ATP9B: variants seen among roughly 807,000 people sequenced by gnomAD.
ATP9B encodes the protein probable phospholipid-transporting ATPase IIB.
ATP9B carries 110 observed loss-of-function variants against 146.1 expected under a neutral mutation model. The ratio of observed to expected loss-of-function variants is 0.75; its 90% CI spans 0.65 to 0.88. The LOEUF is 0.88. Among genes scored for constraint, ATP9B ranks in the 40% least tolerant of loss-of-function variants. The pLI is 0.00. For missense variants in ATP9B, 1,499 were observed against 1,496.4 expected, an observed-to-expected ratio of 1.00 and a Z score of -0.03; for synonymous variants, 604 against 569.7, an observed-to-expected ratio of 1.06 and a Z score of -0.86.
chr18:79,152,152 A>G (rs1006833936), intron 6 of ATP9B, among the ~76,000 whole-genome samples: 4 of 152,222 alleles, frequency 2.6e-5, no homozygotes, highest in East Asian at 1.9e-4. Flanking sequence ...TAGAATGGCA[A>G]TCATTAAAAA....
At position 79,239,147 on chromosome 18, in the gene ATP9B, G is replaced by A. The variant is rs1288502128; in HGVS notation, c.1108-14234G>A. Among the ~76,000 whole-genome samples, 1 of 152,104 alleles carries A rather than the reference G, an allele frequency of 6.6e-6. No homozygotes were observed. The highest frequency in any genetic ancestry group is 1.5e-5 in the Non-Finnish European group (1 of 67,986). ...ATGGCGTCTCAGGCAGAGAACAGAT[G>A]TGCCCAGATCCAAGGTGGGATGGTG... is the stretch of plus-strand genomic sequence containing the variant. On this transcript the variant is annotated intron_variant, in intron 11 of 29. Coordinates refer to ENST00000426216, the MANE Select transcript of ATP9B (RefSeq NM_198531.5). The surrounding 1 kb of genome is among the most constrained non-coding windows in gnomAD (Gnocchi z 5.1).
intron 12 of ATP9B, among the ~76,000 whole-genome samples, chr18:79,264,608 T>G (rs1310439346): frequency 6.6e-6 from 1 of 152,102 alleles, no homozygotes; most frequent in African/African-American, 2.4e-5. Flanking sequence ...GAGATGAAAC[T>G]CTCCTCTTAC....
intron 6 of ATP9B, among the ~76,000 whole-genome samples, chr18:79,147,816 AAG>A (rs946456257): frequency 3.9e-5 from 6 of 152,074 alleles, no homozygotes; most frequent in African/African-American, 1.2e-4. Flanking sequence ...GGGAATAATA[AAG>A]ATACAAGTAG....
In ATP9B at chr18:79,238,042, C is replaced by T. The variant is rs559053801; in HGVS notation, c.1108-15339C>T. ...ATTATCTTTTAGAAAATTTTATATTCTGTTTGCTGCTATTTAAAAATAAAA... is the reference window on the plus strand; with the variant it reads ...ATTATCTTTTAGAAAATTTTATATTTTGTTTGCTGCTATTTAAAAATAAAA... On this transcript the variant is annotated intron_variant, in intron 11 of 29. Coordinates refer to ENST00000426216, the MANE Select transcript of ATP9B (RefSeq NM_198531.5). Among the ~76,000 whole-genome samples the T allele has an allele frequency of 2.0e-5, 3 of 152,034 alleles. No homozygotes were observed. The East Asian group carries it at 5.8e-4, about 29-fold the overall frequency.
At chr18:79,266,246 C>T (rs1218366798) in intron 12 of ATP9B, among the ~76,000 whole-genome samples, 5 of 151,936 alleles carry the variant, frequency 3.3e-5, no homozygotes, top group Non-Finnish European at 5.9e-5. Context: ...TCGTAAATAT[C>T]GTTCTTAAAG....
At chr18:79,319,048 T>C (rs925324317) in intron 15 of ATP9B, among the ~76,000 whole-genome samples, 1 of 152,190 alleles carries the variant, frequency 6.6e-6, no homozygotes, top group African/African-American at 2.4e-5. Context: ...GGTATTCTGG[T>C]GAGTGCCAGC....
intron 6 of ATP9B, among the ~76,000 whole-genome samples, chr18:79,150,094 T>G (rs377287395): frequency 1.3e-5 from 1 of 76,594 alleles, no homozygotes; most frequent in African/African-American, 1.3e-4. Context: ...AATAAAAAAA[T>G]AAAAATAAAC....
At chr18:79,348,584 CAAAG>C (rs974237548) in intron 25 of ATP9B, among the ~76,000 whole-genome samples, 5 of 152,230 alleles carry the variant, frequency 3.3e-5, no homozygotes, top group Non-Finnish European at 7.3e-5. Context: ...TGGCCAGCAG[CAAAG>C]AGAGAACAGG....
rs750363412 is a variant in ATP9B at position 79,110,335 on chromosome 18, G to A, written c.294-20G>A. 45 of 1,540,458 alleles carry A rather than the reference G, an allele frequency of 2.9e-5. No individual in the cohort carries two copies. Among genetic ancestry groups the A allele is most frequent in the South Asian group, 1.5e-4 (12 of 80,460 alleles). ...AAAAGCAAAAAAAAATACACAATAC[G>A]TATCTTTTGTTTCATACAGTTGCTG... On this transcript the variant is annotated intron_variant, in intron 2 of 29. Transcript: ENST00000426216.
Position 79,214,007 on chromosome 18 carries a change from G to A in ATP9B, c.1076G>A (p.Ser359Asn), listed in dbSNP as rs950949036. 1.9e-6 allele frequency: 3 copies of A among 1,605,992 alleles called. No homozygotes were observed. Among genetic ancestry groups the A allele is most frequent in the Non-Finnish European group, 2.5e-6 (3 of 1,177,590 alleles). The change falls in exon 11 of 30, where the codon AGT becomes AAT. Residue 359 changes from serine to asparagine, a missense_variant. Physicochemically the swap from Ser to Asn is conservative, Grantham distance 46. Transcript: ENST00000426216. ...VVIYTGKETR[S>N]VMNTSNPKNK... is the part of the protein sequence containing the mutation. ...ATTTATACCGGAAAAGAGACTCGAA[G>A]TGTAATGAACACATCCAATCCAAAA... is the stretch of plus-strand genomic sequence containing the variant.
At chr18:79,245,613 A>G (rs79871726) in intron 11 of ATP9B, among the ~76,000 whole-genome samples, 694 of 61,598 alleles carry the variant, frequency 0.011, 12 homozygotes, top group East Asian at 0.085. Flanking sequence ...GGAGGGTACC[A>G]CCCTACTGAC....
At chr18:79,115,533 A>G (rs1189587497) in intron 4 of ATP9B, 1 of 132,504 alleles carries the variant, frequency 7.5e-6, no homozygotes, top group African/African-American at 3.2e-5. Context: ...CTACAAGGCT[A>G]CAGTAACCAA....
intron 15 of ATP9B, among the ~76,000 whole-genome samples, chr18:79,318,110 C>A (rs1301625016): frequency 1.3e-5 from 2 of 152,248 alleles, no homozygotes; most frequent in South Asian, 2.1e-4. Flanking sequence ...GAGAGAAAGA[C>A]AGATCGCCCA....
chr18:79,300,500 T>C (rs1390759609), intron 13 of ATP9B, among the ~76,000 whole-genome samples: 1 of 152,056 alleles, frequency 6.6e-6, no homozygotes, highest in Non-Finnish European at 1.5e-5. Context: ...AGGTGCAGGC[T>C]GTTGAGGGAG....
intron 25 of ATP9B, among the ~76,000 whole-genome samples, chr18:79,350,597 A>T (rs879595161): frequency 2.0e-5 from 3 of 152,198 alleles, no homozygotes; most frequent in Non-Finnish European, 4.4e-5. Flanking sequence ...CATACAGTTG[A>T]TGGAAATGGT....
chr18:79,099,267 G>A (rs2075072201), intron 2 of ATP9B, among the ~76,000 whole-genome samples: 1 of 151,784 alleles, frequency 6.6e-6, no homozygotes, highest in Non-Finnish European at 1.5e-5. Context: ...TTGTTGCCAG[G>A]CTGGAGTGCA....
intron 11 of ATP9B, among the ~76,000 whole-genome samples, chr18:79,226,775 T>C (rs945865158): frequency 2.6e-5 from 4 of 152,140 alleles, no homozygotes; most frequent in Non-Finnish European, 4.4e-5. Flanking sequence ...TTAATAAAAA[T>C]GGAAAGTTTG....
intron 26 of ATP9B, among the ~76,000 whole-genome samples, chr18:79,371,949 C>T (rs2097073544): frequency 6.6e-6 from 1 of 152,250 alleles, no homozygotes; most frequent in Non-Finnish European, 1.5e-5. Context: ...TCTCGAGTCT[C>T]CTCGTCTGTA....
At chr18:79,173,908 G>A (rs2095118723) in intron 7 of ATP9B, among the ~76,000 whole-genome samples, 1 of 152,136 alleles carries the variant, frequency 6.6e-6, no homozygotes, top group Non-Finnish European at 1.5e-5. Flanking sequence ...GACAATGATA[G>A]TCATGAAGTC....
Sources: allele counts gnomAD v4.1 joint callset (sites outside exome capture counted in the v4.1 genomes callset), GRCh38; gene constraint gnomAD v4.1.1; non-coding constraint Gnocchi (gnomAD v3.1); transcripts MANE v1.5; gene names NCBI Gene and HGNC (gene_info 2026-07-23, HGNC 2026-07-21).